The following NLGN4Y variants were observed in gnomAD, a reference collection of about 807,000 sequenced individuals.
The protein encoded by NLGN4Y is neuroligin 4 Y-linked.
In NLGN4Y, 4 loss-of-function variants were observed where a neutral mutation model predicts 8.4. That is an observed-to-expected ratio of 0.48 (90% CI 0.23 to 1.09). The LOEUF (loss-of-function observed/expected upper bound fraction) is 1.09. Ranked by LOEUF, NLGN4Y falls within the 50% of genes least tolerant of loss-of-function variation. The pLI is 0.19. For synonymous variants in NLGN4Y, 35 were observed against 75.6 expected (o/e 0.46, Z 2.78); for missense variants, 90 against 192.3 (o/e 0.47, Z 3.15).
intron 1 of NLGN4Y, among the ~76,000 whole-genome samples, chrY:14,576,225 G>A: frequency 3.0e-5 from 1 of 33,600 alleles, no homozygotes; most frequent in Admixed American, 2.7e-4. Context: ...CTTGAAGTGT[G>A]GTGGGCCCCA....
intron 1 of NLGN4Y, among the ~76,000 whole-genome samples, chrY:14,561,253 C>T: frequency 3.1e-5 from 1 of 32,071 alleles, no homozygotes. Flanking sequence ...TTGACAGGCC[C>T]CAGTATGTGA....
At chrY:14,697,246 T>C in intron 2 of NLGN4Y, among the ~76,000 whole-genome samples, 1 of 31,282 alleles carries the variant, frequency 3.2e-5, no homozygotes, top group Non-Finnish European at 7.7e-5. Context: ...GATAGATAGA[T>C]AGATTGATAG....
chrY:14,734,300 T>C, intron 4 of NLGN4Y, among the ~76,000 whole-genome samples: 2 of 33,469 alleles, frequency 6.0e-5, no homozygotes, highest in Non-Finnish European at 1.5e-4. Flanking sequence ...AGAGTTTTTA[T>C]GGGCACCAAA....
At chrY:14,786,390 G>A in intron 4 of NLGN4Y, among the ~76,000 whole-genome samples, 1 of 33,365 alleles carries the variant, frequency 3.0e-5, no homozygotes, top group Non-Finnish European at 7.4e-5. Context: ...TGGAGCAGCG[G>A]TGGATATAAT....
intron 1 of NLGN4Y, among the ~76,000 whole-genome samples, chrY:14,568,583 A>G (rs2080259788): frequency 3.0e-5 from 1 of 33,270 alleles, no homozygotes; most frequent in African/African-American, 1.2e-4. Flanking sequence ...TGAATGCTTT[A>G]TGACGATATG....
chrY:14,723,112 T>C lies in NLGN4Y; in HGVS notation c.533-5T>C. On this transcript the variant is annotated splice_region_variant and splice_polypyrimidine_tract_variant and intron_variant, in intron 3 of 6. Coordinates refer to ENST00000684976, the MANE Select transcript of NLGN4Y (RefSeq NM_001365588.1). The stretch of plus-strand genomic sequence containing the variant: ...CTGCGTTTCCTTACTTGGCTTTTTT[T>C]CCAGATATTCATGAACAGAACAGTA... 2.5e-6 allele frequency: 1 copy of C among 396,157 alleles called. No individual in the cohort carries two copies. The highest frequency in any genetic ancestry group is 6.3e-5 in the African/African-American group (1 of 15,757).
At chrY:14,547,383 C>A (rs2080176627) in intron 1 of NLGN4Y, among the ~76,000 whole-genome samples, 1 of 33,820 alleles carries the variant, frequency 3.0e-5, no homozygotes, top group Admixed American at 2.7e-4. Flanking sequence ...GGAGGTGACA[C>A]CTTGTCGCTT....
intron 1 of NLGN4Y, among the ~76,000 whole-genome samples, chrY:14,525,087 A>AGGAGCG (rs2080088065): frequency 6.0e-4 from 20 of 33,208 alleles, no homozygotes; most frequent in Admixed American, 2.1e-3. Flanking sequence ...TTGTACCCGG[A>AGGAGCG]GGAGCGGGAG....
intron 5 of NLGN4Y, among the ~76,000 whole-genome samples, chrY:14,825,336 C>A (rs966208810): frequency 6.9e-5 from 2 of 28,991 alleles, no homozygotes; most frequent in African/African-American, 1.4e-4. Context: ...TCTCTCCCCT[C>A]CTTCCACTGT....
intron 1 of NLGN4Y, among the ~76,000 whole-genome samples, chrY:14,619,348 T>C (rs2080500332): frequency 2.9e-5 from 1 of 34,243 alleles, no homozygotes; most frequent in South Asian, 6.4e-4. Context: ...AATACCAAAT[T>C]CTTTACAGCT....
intron 1 of NLGN4Y, among the ~76,000 whole-genome samples, chrY:14,609,616 A>C: frequency 3.0e-5 from 1 of 33,705 alleles, no homozygotes; most frequent in Admixed American, 2.7e-4. Context: ...TTGGTTTGCC[A>C]GCATTTTATT....
chrY:14,756,866 CATATATATATATATATATATATATAT>C (rs145217639), intron 4 of NLGN4Y, among the ~76,000 whole-genome samples: 9 of 2,179 alleles, frequency 4.1e-3, no homozygotes, highest in African/African-American at 9.9e-3. Context: ...ATATTTTATA[CATATATATATATATATATATATATAT>C]ATATATATAT....
At chrY:14,570,456 A>G (rs368804023) in intron 1 of NLGN4Y, among the ~76,000 whole-genome samples, 1 of 33,090 alleles carries the variant, frequency 3.0e-5, no homozygotes, top group East Asian at 8.1e-4. Context: ...CTGAACCCCA[A>G]CAACACACAT....
chrY:14,638,872 A>C (rs971082482), intron 2 of NLGN4Y, among the ~76,000 whole-genome samples: 5 of 33,870 alleles, frequency 1.5e-4, no homozygotes, highest in Non-Finnish European at 3.7e-4. Flanking sequence ...GTTACAGTTG[A>C]ATTGTGCGTC....
chrY:14,695,662 C>T (rs906379635), intron 2 of NLGN4Y, among the ~76,000 whole-genome samples: 2 of 33,160 alleles, frequency 6.0e-5, no homozygotes, highest in Admixed American at 2.8e-4. Flanking sequence ...AGTCAGAGAG[C>T]GAATAGACAA....
At chrY:14,540,414 G>A in intron 1 of NLGN4Y, among the ~76,000 whole-genome samples, 2 of 33,113 alleles carry the variant, frequency 6.0e-5, no homozygotes, top group Non-Finnish European at 1.5e-4. Context: ...AGACTTAAAC[G>A]TCCCTCCCTG....
chrY:14,782,206 C>T (rs1336639130), intron 4 of NLGN4Y, among the ~76,000 whole-genome samples: 2 of 33,027 alleles, frequency 6.1e-5, no homozygotes, highest in Non-Finnish European at 1.5e-4. Context: ...CACACATGAT[C>T]AGTCAGGTTT....
intron 4 of NLGN4Y, among the ~76,000 whole-genome samples, chrY:14,810,807 T>C (rs2043075455): frequency 3.0e-5 from 1 of 32,798 alleles, no homozygotes; most frequent in Non-Finnish European, 7.5e-5. Context: ...ATGAAAATGA[T>C]GCAAGGAATC....
At chrY:14,551,258 G>A in intron 1 of NLGN4Y, among the ~76,000 whole-genome samples, 1 of 32,928 alleles carries the variant, frequency 3.0e-5, no homozygotes, top group Non-Finnish European at 7.5e-5. Context: ...ATATATATGC[G>A]CCCAACATAG....
Sources: gnomAD v4.1 joint callset for allele counts (sites outside exome capture counted in the v4.1 genomes callset) on GRCh38, gnomAD v4.1.1 for gene constraint, MANE v1.5 for transcripts, NCBI Gene and HGNC (gene_info 2026-07-23, HGNC 2026-07-21) for gene names.